GRM5: variants seen among roughly 807,000 people sequenced by gnomAD.
The protein encoded by GRM5 is metabotropic glutamate receptor 5.
Under a neutral mutation model 83.1 loss-of-function variants are expected in GRM5, and 19 were observed. The ratio of observed to expected loss-of-function variants is 0.23; its 90% CI spans 0.16 to 0.34. The LOEUF (loss-of-function observed/expected upper bound fraction) is 0.34, where lower values mean the gene tolerates loss of function less well. Ranked by LOEUF, GRM5 falls within the 10% of genes least tolerant of loss-of-function variation. GRM5 has a pLI of 1.00. For missense variants in GRM5, 1,160 were observed against 1,588.3 expected, an observed-to-expected ratio of 0.73 and a Z score of 4.58; for synonymous variants, 675 against 633.6, an observed-to-expected ratio of 1.07 and a Z score of -0.98.
intron 3 of GRM5, among the ~76,000 whole-genome samples, chr11:88,801,601 C>A (rs1039981810): frequency 1.3e-5 from 2 of 152,032 alleles, no homozygotes; most frequent in African/African-American, 4.8e-5. Flanking sequence ...TGAATCTTAA[C>A]AAAACCCACA....
intron 3 of GRM5, among the ~76,000 whole-genome samples, chr11:88,738,264 G>A (rs1198707573): frequency 4.0e-5 from 6 of 151,894 alleles, no homozygotes; most frequent in Non-Finnish European, 7.4e-5. Context: ...CAACATTTGT[G>A]CAATAAATAA....
At chr11:88,895,125 G>A (rs1444832250) in intron 2 of GRM5, among the ~76,000 whole-genome samples, 2 of 151,816 alleles carry the variant, frequency 1.3e-5, no homozygotes, top group African/African-American at 4.8e-5. Flanking sequence ...GATATATATT[G>A]TAAGCCCTAT....
chr11:88,802,263 T>C (rs557758354), intron 3 of GRM5, among the ~76,000 whole-genome samples: 1 of 152,170 alleles, frequency 6.6e-6, no homozygotes, highest in East Asian at 1.9e-4. Context: ...AAGTTCTACA[T>C]AGCAAAGACA....
intron 8 of GRM5, among the ~76,000 whole-genome samples, chr11:88,539,884 C>A (rs1942225135): frequency 6.6e-6 from 1 of 152,160 alleles, no homozygotes; most frequent in Non-Finnish European, 1.5e-5. Context: ...GGCCTATTCT[C>A]TTCCTTCATA....
chr11:88,924,914 TATC>T (rs1277735548), intron 2 of GRM5, among the ~76,000 whole-genome samples: 7 of 152,054 alleles, frequency 4.6e-5, no homozygotes, highest in African/African-American at 1.4e-4. Context: ...TTTATCAAAA[TATC>T]ATTTTGTATA....
At chr11:88,510,718 G>A (rs573464433) in intron 9 of GRM5, among the ~76,000 whole-genome samples, 1 of 152,294 alleles carries the variant, frequency 6.6e-6, no homozygotes, top group East Asian at 1.9e-4. Flanking sequence ...GTTTCACCAT[G>A]TTGGTAAGAC....
rs146332719 is a variant in GRM5, at chr11:88,841,676, G to A, written c.911+8230C>T. On this transcript the variant is annotated intron_variant, in intron 3 of 9. Coordinates refer to ENST00000305447, the MANE Select transcript of GRM5 (RefSeq NM_001143831.3). Reference sequence around the variant, plus strand: ...TGAAGGGCATCTGCAGCTGCAGACCGGAATCCACAGTACATATTAAGCAAC... The same window carrying A: ...TGAAGGGCATCTGCAGCTGCAGACCAGAATCCACAGTACATATTAAGCAAC... 6.7e-3 allele frequency among the ~76,000 whole-genome samples: 1,024 copies of A among 152,236 alleles called. 12 individuals carry two copies. Among genetic ancestry groups the A allele is most frequent in the African/African-American group, 0.023 (962 of 41,570 alleles).
Position 89,048,073 on chromosome 11 carries a change from C to CT in GRM5, c.-200-2dup. 3.9e-6 allele frequency: 2 copies of CT among 516,764 alleles called. No homozygotes were observed. Among genetic ancestry groups the CT allele is most frequent in the African/African-American group, 2.2e-5 (1 of 46,424 alleles). The allele number at this position is 516,764 out of a possible 1,614,324, so 32.0% of individuals were successfully genotyped here. On this transcript the variant is annotated splice_acceptor_variant, in intron 1 of 9. Transcript: ENST00000305447. LOFTEE classifies it low-confidence loss of function (5UTR_SPLICE). ...TCCATGTGGTCATGATCTTCTAAAC[C>CT]TGAAAAAAAAAAAATAACATGGGTC...
intron 3 of GRM5, among the ~76,000 whole-genome samples, chr11:88,827,465 A>G (rs1471535639): frequency 6.6e-6 from 1 of 152,202 alleles, no homozygotes. Flanking sequence ...CTTGCTATGT[A>G]AACTTTGCTT....
intron 4 of GRM5, among the ~76,000 whole-genome samples, chr11:88,630,096 C>A (rs1388778321): frequency 6.6e-6 from 1 of 152,214 alleles, no homozygotes; most frequent in African/African-American, 2.4e-5. Context: ...TTGGGTCACA[C>A]CTTCCTCACT....
At chr11:89,008,805 A>C (rs1281938285) in intron 2 of GRM5, among the ~76,000 whole-genome samples, 3 of 152,184 alleles carry the variant, frequency 2.0e-5, no homozygotes, top group Non-Finnish European at 4.4e-5. Flanking sequence ...AATGATTTAC[A>C]GTAAAAGGCA....
intron 4 of GRM5, among the ~76,000 whole-genome samples, chr11:88,639,366 C>T (rs774553597): frequency 6.6e-6 from 1 of 152,130 alleles, no homozygotes; most frequent in Non-Finnish European, 1.5e-5. Context: ...TCCATTTTCT[C>T]ACTTTAGAAG....
chr11:88,986,170 AG>A (rs1939703518), intron 2 of GRM5, among the ~76,000 whole-genome samples: 1 of 152,214 alleles, frequency 6.6e-6, no homozygotes, highest in African/African-American at 2.4e-5. Flanking sequence ...GTAACAAAAA[AG>A]AACAACCTAT....
At chr11:88,836,229 A>T (rs1944092996) in intron 3 of GRM5, among the ~76,000 whole-genome samples, 1 of 152,244 alleles carries the variant, frequency 6.6e-6, no homozygotes, top group Non-Finnish European at 1.5e-5. Flanking sequence ...TATGACTTCT[A>T]TTAAAACTGT....
At position 88,840,846 on chromosome 11, in the gene GRM5, A is replaced by C. The variant is rs116408487; in HGVS notation, c.911+9060T>G. ...AACTCATGAGGTTCTGGGCGGTAAG[A>C]GGCATTGCTCAATAGCAAAGGAACT... On this transcript the variant is annotated intron_variant, in intron 3 of 9. Coordinates refer to ENST00000305447, the MANE Select transcript of GRM5 (RefSeq NM_001143831.3). 2.6e-3 allele frequency among the ~76,000 whole-genome samples: 389 copies of C among 152,326 alleles called. 1 individual carries two copies. The highest frequency in any genetic ancestry group is 9.2e-3 in the African/African-American group (381 of 41,574).
At chr11:88,841,686 G>A (rs1290364737) in intron 3 of GRM5, among the ~76,000 whole-genome samples, 1 of 152,162 alleles carries the variant, frequency 6.6e-6, no homozygotes, top group Non-Finnish European at 1.5e-5. Context: ...GGAATCCACA[G>A]TACATATTAA....
intron 3 of GRM5, among the ~76,000 whole-genome samples, chr11:88,847,152 A>G (rs1944314652): frequency 6.6e-6 from 1 of 152,154 alleles, no homozygotes; most frequent in South Asian, 2.1e-4. Flanking sequence ...TCACACATCA[A>G]TATTTATTGA....
chr11:88,775,837 G>T (rs545618701), intron 3 of GRM5, among the ~76,000 whole-genome samples: 2 of 152,262 alleles, frequency 1.3e-5, no homozygotes, highest in African/African-American at 4.8e-5. Context: ...TTTTACATTT[G>T]CTGAGGAGTG....
At chr11:88,809,016 C>A (rs1943543699) in intron 3 of GRM5, among the ~76,000 whole-genome samples, 1 of 152,038 alleles carries the variant, frequency 6.6e-6, no homozygotes, top group South Asian at 2.1e-4. Context: ...TATCTTTTAA[C>A]AACGTGTTTG....
Sources: allele counts gnomAD v4.1 joint callset (sites outside exome capture counted in the v4.1 genomes callset), GRCh38; gene constraint gnomAD v4.1.1; transcripts MANE v1.5; gene names NCBI Gene and HGNC (gene_info 2026-07-23, HGNC 2026-07-21).